MTM1: variants seen among roughly 807,000 people sequenced by gnomAD.
MTM1 encodes myotubularin.
Under a neutral mutation model 52.1 loss-of-function variants are expected in MTM1, and 9 were observed. The observed-to-expected ratio is 0.17, with a 90% CI of 0.10 to 0.30. MTM1 has a LOEUF of 0.30. Among genes scored for constraint, MTM1 ranks in the 10% least tolerant of loss-of-function variants. MTM1 has a pLI of 1.00. For synonymous variants in MTM1, 136 were observed against 163.8 expected (o/e 0.83, Z 1.29); for missense variants, 277 against 470.7 (o/e 0.59, Z 3.81).
intron 4 of MTM1, among the ~76,000 whole-genome samples, chrX:150,598,966 G>T (rs2039024476): frequency 8.9e-6 from 1 of 112,065 alleles, no homozygotes; most frequent in Admixed American, 9.4e-5. Context: ...GTAGAACAGT[G>T]GTTCTTTGCC....
chrX:150,658,425 G>A, intron 11 of MTM1, among the ~76,000 whole-genome samples: 1 of 111,533 alleles, frequency 9.0e-6, no homozygotes, highest in South Asian at 3.8e-4. Flanking sequence ...AAGAGCTATT[G>A]TATAACATGA....
intron 9 of MTM1, among the ~76,000 whole-genome samples, chrX:150,647,194 A>AATATATATATATATATAT (rs59931479): frequency 0.011 from 933 of 83,550 alleles, 9 homozygotes; most frequent in African/African-American, 0.013. Context: ...TTTCAGGGTG[A>AATATATATATATATATAT]ATATATATAT....
At chrX:150,569,215 TG>T (rs2038319641) in intron 1 of MTM1, among the ~76,000 whole-genome samples, 1 of 113,489 alleles carries the variant, frequency 8.8e-6, no homozygotes, top group Non-Finnish European at 1.9e-5. Flanking sequence ...TATCTGCTTT[TG>T]CAACAGTTGA....
intron 5 of MTM1, among the ~76,000 whole-genome samples, chrX:150,616,833 C>G (rs188180657): frequency 7.6e-4 from 85 of 112,125 alleles, no homozygotes; most frequent in African/African-American, 2.5e-3. Flanking sequence ...CTCAATAAAT[C>G]AACTCTTCAG....
intron 13 of MTM1, 36 bp downstream of exon 13, chrX:150,660,520 C>G (rs1476239958): frequency 4.5e-6 from 4 of 887,795 alleles, no homozygotes; most frequent in Non-Finnish European, 6.6e-6. Context: ...ATACATTAGG[C>G]TTGCCAAAAT....
At chrX:150,613,225 A>T (rs930402344) in intron 4 of MTM1, among the ~76,000 whole-genome samples, 1 of 110,936 alleles carries the variant, frequency 9.0e-6, no homozygotes, top group African/African-American at 3.3e-5. Context: ...ACCCTTAAAA[A>T]TTTTTTTTCT....
At chrX:150,614,080 G>C (rs2039339667) in intron 4 of MTM1, among the ~76,000 whole-genome samples, 1 of 112,201 alleles carries the variant, frequency 8.9e-6, no homozygotes, top group African/African-American at 3.2e-5. Context: ...GATGAATTCT[G>C]CCTGATCTAA....
intron 13 of MTM1, among the ~76,000 whole-genome samples, chrX:150,662,504 G>C (rs919921075): frequency 9.1e-6 from 1 of 110,026 alleles, no homozygotes; most frequent in Non-Finnish European, 1.9e-5. Flanking sequence ...TTGTATTTTT[G>C]GTAGAGACGG....
chrX:150,592,477 T>C (rs2038902020), intron 1 of MTM1, 128 bp from the exon 2 acceptor site: 1 of 524,592 alleles, frequency 1.9e-6, no homozygotes, highest in East Asian at 3.5e-5. Flanking sequence ...CACTGGGGCC[T>C]AGTATGGAAA....
chrX:150,651,622 G>A (rs1449249654), intron 10 of MTM1, among the ~76,000 whole-genome samples: 2 of 111,014 alleles, frequency 1.8e-5, no homozygotes, highest in African/African-American at 3.3e-5. Context: ...GTGATGGGCC[G>A]TCCACCTGGT....
rs1161187898 is a variant in MTM1, at chrX:150,583,293, A to T, written c.-10-9312A>T. On this transcript the variant is annotated intron_variant, in intron 1 of 14. Transcript: ENST00000370396. Reference sequence around the variant, plus strand: ...ATATATAAATTATAAATATATATAAATTATATATATTATATATAATTATAA... The same window carrying T: ...ATATATAAATTATAAATATATATAATTTATATATATTATATATAATTATAA... Among the ~76,000 whole-genome samples the T allele has an allele frequency of 1.8e-3, 95 of 52,390 alleles. 3 individuals are homozygous for T. Among genetic ancestry groups the T allele is most frequent in the Admixed American group, 3.1e-3 (8 of 2,578 alleles). 45.5% of individuals were successfully genotyped at this position (52,390 alleles called of 115,157 possible). A position where few individuals can be genotyped will look rare whatever the true frequency, so the allele number is the denominator to read the frequency against.
intron 11 of MTM1, among the ~76,000 whole-genome samples, chrX:150,659,322 T>A: frequency 8.9e-6 from 1 of 112,094 alleles, no homozygotes; most frequent in East Asian, 2.8e-4. Context: ...CTAGGTTGAG[T>A]GTATTGCTAA....
chrX:150,583,932 T>TATATATATTTAATATATATA (rs1394040669), intron 1 of MTM1, among the ~76,000 whole-genome samples: 4 of 52,460 alleles, frequency 7.6e-5, no homozygotes, highest in African/African-American at 2.0e-4. Context: ...ATATATTAAA[T>TATATATATTTAATATATATA]TAAAATATAT....
intron 4 of MTM1, among the ~76,000 whole-genome samples, chrX:150,606,870 C>CTTCCCTCCGTTCCCTGGG (rs2039169542): frequency 3.7e-5 from 3 of 80,310 alleles, no homozygotes; most frequent in African/African-American, 1.3e-4. Flanking sequence ...TCTTCCCTTC[C>CTTCCCTCCGTTCCCTGGG]TTCCCTCCCT....
chrX:150,658,463 ATG>A (rs1265197346), intron 11 of MTM1, among the ~76,000 whole-genome samples: 4 of 111,909 alleles, frequency 3.6e-5, no homozygotes, highest in Non-Finnish European at 5.6e-5. Flanking sequence ...TTTTTGAACA[ATG>A]TTAAAAGAAT....
At chrX:150,595,046 TGA>T (rs1491313186) in intron 2 of MTM1, among the ~76,000 whole-genome samples, 4 of 3,292 alleles carry the variant, frequency 1.2e-3, no homozygotes, top group African/African-American at 1.5e-3. Context: ...TGCCTCTGAA[TGA>T]AAAAAAAAAA....
chrX:150,656,062 G>A (rs1336641840), intron 10 of MTM1, among the ~76,000 whole-genome samples: 3 of 111,144 alleles, frequency 2.7e-5, no homozygotes, highest in Non-Finnish European at 5.7e-5. Context: ...CCAATTTAAA[G>A]GTCAAAAGGT....
chrX:150,596,960 T>C (rs1384881665), intron 3 of MTM1: 2 of 146,720 alleles, frequency 1.4e-5, no homozygotes, highest in Non-Finnish European at 2.7e-5. Flanking sequence ...ATTCTCCTCT[T>C]TGAAATATAG....
intron 1 of MTM1, among the ~76,000 whole-genome samples, chrX:150,583,340 T>C (rs1209743943): frequency 2.3e-4 from 11 of 47,647 alleles, no homozygotes; most frequent in African/African-American, 1.0e-3. Flanking sequence ...TTATATATAT[T>C]ATATATAATT....
Sources: allele counts gnomAD v4.1 joint callset (sites outside exome capture counted in the v4.1 genomes callset), GRCh38; gene constraint gnomAD v4.1.1; transcripts MANE v1.5; gene names NCBI Gene and HGNC (gene_info 2026-07-23, HGNC 2026-07-21).